Variants in TTC28 observed in about 807,000 individuals in gnomAD.
TTC28 encodes tetratricopeptide repeat protein 28.
In TTC28, 61 loss-of-function variants were observed where a neutral mutation model predicts 198.0. That is an observed-to-expected ratio of 0.31 (90% CI 0.25 to 0.38). The LOEUF (loss-of-function observed/expected upper bound fraction) is 0.38. Among genes scored for constraint, TTC28 ranks in the 10% least tolerant of loss-of-function variants. The pLI, the probability that TTC28 is intolerant of heterozygous loss-of-function variation, is 1.00. For missense variants in TTC28, 2,678 were observed against 3,164.0 expected (o/e 0.85, Z 3.69); for synonymous variants, 1,171 against 1,297.8 (o/e 0.90, Z 2.10).
intron 2 of TTC28, among the ~76,000 whole-genome samples, chr22:28,502,329 T>C (rs563874035): frequency 6.6e-6 from 1 of 152,210 alleles, no homozygotes; most frequent in South Asian, 2.1e-4. Context: ...TCGTGCAGGA[T>C]CCTTTCTGAA....
At chr22:28,181,996 G>C (rs984533431) in intron 5 of TTC28, among the ~76,000 whole-genome samples, 7 of 152,184 alleles carry the variant, frequency 4.6e-5, no homozygotes, top group Non-Finnish European at 1.0e-4. Context: ...CTATTAGGGA[G>C]AAACACTTGA....
At chr22:28,093,394 C>T (rs1941870102) in intron 12 of TTC28, among the ~76,000 whole-genome samples, 1 of 152,202 alleles carries the variant, frequency 6.6e-6, no homozygotes, top group Admixed American at 6.5e-5. Flanking sequence ...ATCTTCCGAA[C>T]CCTTGGTAAT....
At chr22:28,679,565 C>T in intron 1 of TTC28, 57 bp downstream of exon 1, 2 of 1,162,346 alleles carry the variant, frequency 1.7e-6, no homozygotes, top group South Asian at 2.8e-5. Context: ...CGGCCCGGCT[C>T]CCACCGCCGG....
intron 5 of TTC28, among the ~76,000 whole-genome samples, chr22:28,245,541 A>G (rs1193512642): frequency 6.6e-6 from 1 of 152,206 alleles, no homozygotes; most frequent in African/African-American, 2.4e-5. Context: ...GGTGGACTCC[A>G]AAACATCACA....
chr22:28,552,763 G>A (rs145915813), intron 2 of TTC28, among the ~76,000 whole-genome samples: 4 of 130,126 alleles, frequency 3.1e-5, no homozygotes, highest in East Asian at 2.4e-4. Flanking sequence ...CTCCCTCTCC[G>A]CCTCCCCCTC....
chr22:28,652,334 T>A (rs556470681), intron 1 of TTC28, among the ~76,000 whole-genome samples: 127 of 152,344 alleles, frequency 8.3e-4, no homozygotes, highest in African/African-American at 2.9e-3. Context: ...GTGATCTGGT[T>A]CAAGTTGCCT....
chr22:28,573,577 AG>A (rs2050096553), intron 2 of TTC28, among the ~76,000 whole-genome samples: 1 of 152,184 alleles, frequency 6.6e-6, no homozygotes, highest in Non-Finnish European at 1.5e-5. Flanking sequence ...GGTACATAGT[AG>A]GTATATATAT....
At chr22:28,026,535 T>C (rs376807670) in intron 13 of TTC28, among the ~76,000 whole-genome samples, 8 of 152,162 alleles carry the variant, frequency 5.3e-5, no homozygotes, top group African/African-American at 1.9e-4. Context: ...TCTTTCCCCA[T>C]GTAGCAGGAC....
chr22:28,492,421 T>C (rs2048392870), intron 2 of TTC28, among the ~76,000 whole-genome samples: 1 of 151,878 alleles, frequency 6.6e-6, no homozygotes, highest in Admixed American at 6.6e-5. Flanking sequence ...AGATAACAAT[T>C]AAAGCTAACA....
At chr22:28,386,202 G>A (rs990307643) in intron 2 of TTC28, among the ~76,000 whole-genome samples, 3 of 139,448 alleles carry the variant, frequency 2.2e-5, no homozygotes, top group Non-Finnish European at 3.1e-5. Context: ...GTGAACCCGG[G>A]AGGCGGAGCT....
rs1419336816 is a variant in TTC28 at position 28,184,344 on chromosome 22, CCTT to C, written c.934-20748_934-20746del. ...TTTAAATGTACCAAATTACTGCCCT[CCTT>C]CTTCCTCATTATATTAATAAAAAAT... On this transcript the variant is annotated intron_variant, in intron 5 of 22. Transcript: ENST00000397906. Among the ~76,000 whole-genome samples, 26 of 152,198 alleles carry C rather than the reference CCTT, an allele frequency of 1.7e-4. No homozygotes were observed. The South Asian group carries it at 2.7e-3, about 16-fold the overall frequency.
chr22:28,432,222 C>CTT (rs909324381), intron 2 of TTC28, among the ~76,000 whole-genome samples: 2 of 149,830 alleles, frequency 1.3e-5, no homozygotes, highest in African/African-American at 4.9e-5. Context: ...GGAGGTGGAG[C>CTT]TTGCAGTGAG....
At chr22:27,991,817 A>C (rs972575226) in intron 19 of TTC28, among the ~76,000 whole-genome samples, 1 of 152,234 alleles carries the variant, frequency 6.6e-6, no homozygotes, top group African/African-American at 2.4e-5. Context: ...AAGGACCTAC[A>C]TGATGCTAAG....
At chr22:28,497,532 G>A (rs143598596) in intron 2 of TTC28, among the ~76,000 whole-genome samples, 271 of 152,202 alleles carry the variant, frequency 1.8e-3, no homozygotes, top group African/African-American at 6.3e-3. Flanking sequence ...AACACATAAA[G>A]CTGAATTTGT....
At chr22:28,069,416 G>C (rs1033653679) in intron 12 of TTC28, among the ~76,000 whole-genome samples, 4 of 152,132 alleles carry the variant, frequency 2.6e-5, no homozygotes, top group Non-Finnish European at 5.9e-5. Flanking sequence ...AGTGCCCAAA[G>C]AGGTCATTTC....
chr22:28,030,832 A>G (rs990944930), intron 12 of TTC28, among the ~76,000 whole-genome samples: 2 of 152,238 alleles, frequency 1.3e-5, no homozygotes, highest in African/African-American at 4.8e-5. Flanking sequence ...TGTGTTGGGT[A>G]CTGTCCTAGG....
chr22:28,651,733 C>T (rs1031543651), intron 1 of TTC28, among the ~76,000 whole-genome samples: 9 of 150,692 alleles, frequency 6.0e-5, no homozygotes, highest in African/African-American at 2.0e-4. Flanking sequence ...CCTGACCTCT[C>T]TTAAACATAA....
chr22:28,428,604 A>ATTT (rs2047384377), intron 2 of TTC28, among the ~76,000 whole-genome samples: 1 of 121,332 alleles, frequency 8.2e-6, no homozygotes, highest in Non-Finnish European at 2.0e-5. Context: ...CATTTCATGA[A>ATTT]TTATTATTTT....
intron 2 of TTC28, among the ~76,000 whole-genome samples, chr22:28,624,720 T>C (rs1300476463): frequency 2.0e-5 from 3 of 152,072 alleles, no homozygotes; most frequent in East Asian, 3.9e-4. Context: ...ACAGACAGAA[T>C]ACTTTACAAC....
Sources: allele counts gnomAD v4.1 joint callset (sites outside exome capture counted in the v4.1 genomes callset), GRCh38; gene constraint gnomAD v4.1.1; transcripts MANE v1.5; gene names NCBI Gene and HGNC (gene_info 2026-07-23, HGNC 2026-07-21).